Variants in CACNA1C observed in about 807,000 individuals in gnomAD.
CACNA1C encodes the protein calcium voltage-gated channel subunit alpha1 C, also known as voltage-dependent L-type calcium channel subunit alpha-1C.
Under a neutral mutation model 229.0 loss-of-function variants are expected in CACNA1C, and 30 were observed. That is an observed-to-expected ratio of 0.13 (90% CI 0.10 to 0.18). CACNA1C has a LOEUF of 0.18. Ranked by LOEUF, CACNA1C falls within the 10% of genes least tolerant of loss-of-function variation. CACNA1C has a pLI of 1.00. For missense variants in CACNA1C, 1,658 were observed against 2,845.0 expected (o/e 0.58, Z 9.49); for synonymous variants, 1,114 against 1,132.5 (o/e 0.98, Z 0.33).
chr12:2,513,157 CAT>C (rs1190287215), intron 9 of CACNA1C, among the ~76,000 whole-genome samples, 173 bp downstream of exon 9: 2 of 152,258 alleles, frequency 1.3e-5, no homozygotes, highest in African/African-American at 2.4e-5. Context: ...ACATCGGTCA[CAT>C]GTGGGAAATC....
At chr12:2,023,529 C>A (rs115234929) in intron 1 of CACNA1C, among the ~76,000 whole-genome samples, 1 of 152,164 alleles carries the variant, frequency 6.6e-6, no homozygotes, top group African/African-American at 2.4e-5. Flanking sequence ...AGAACTTCCT[C>A]CTATTGGCTA....
chr12:2,663,976 G>T (rs182598276), intron 34 of CACNA1C, among the ~76,000 whole-genome samples: 1 of 151,932 alleles, frequency 6.6e-6, no homozygotes, highest in African/African-American at 2.4e-5. Flanking sequence ...TCCTGACCTC[G>T]TGATCCGCCC....
intron 10 of CACNA1C, among the ~76,000 whole-genome samples, chr12:2,550,234 C>T (rs979704276): frequency 2.6e-5 from 4 of 152,154 alleles, no homozygotes; most frequent in Non-Finnish European, 4.4e-5. Context: ...GGGGGTGAGT[C>T]TTAAAATCAA....
intron 3 of CACNA1C, among the ~76,000 whole-genome samples, chr12:2,321,305 T>C (rs1242068681): frequency 2.6e-5 from 4 of 152,092 alleles, no homozygotes; most frequent in African/African-American, 9.7e-5. Flanking sequence ...CTGTTTTCTG[T>C]CCACCTGTTA....
intron 1 of CACNA1C, among the ~76,000 whole-genome samples, chr12:2,059,503 A>T (rs2056613006): frequency 6.6e-6 from 1 of 151,678 alleles, no homozygotes; most frequent in Non-Finnish European, 1.5e-5. Context: ...AACTGGCAAG[A>T]AACCCAAACC....
rs934029810 is a variant in CACNA1C at position 2,488,266 on chromosome 12, C to T, written c.916+2004C>T. ...TCCTGCAAGGGCGGGTGAGGATAAGCGGCCCTGAATACTGGTTGGAAGCCC... is the reference window on the plus strand; with the variant it reads ...TCCTGCAAGGGCGGGTGAGGATAAGTGGCCCTGAATACTGGTTGGAAGCCC... On this transcript the variant is annotated intron_variant, in intron 6 of 46. Transcript: ENST00000399655. This position sits in a 1 kb window ranked among gnomAD's most constrained non-coding sequence, Gnocchi z 4.0. 2.0e-5 allele frequency among the ~76,000 whole-genome samples: 3 copies of T among 152,182 alleles called. No homozygotes were observed. The highest frequency in any genetic ancestry group is 2.9e-5 in the Non-Finnish European group (2 of 68,034).
chr12:2,564,887 C>T (rs1278927211), intron 11 of CACNA1C, among the ~76,000 whole-genome samples: 3 of 152,048 alleles, frequency 2.0e-5, no homozygotes, highest in Admixed American at 6.6e-5. Context: ...TGGGGTGTTC[C>T]AATCCAACCT....
intron 11 of CACNA1C, among the ~76,000 whole-genome samples, chr12:2,562,770 T>G (rs2048190864): frequency 6.6e-6 from 1 of 152,200 alleles, no homozygotes; most frequent in South Asian, 2.1e-4. Context: ...GGTGTATATA[T>G]TTATGAGGTG....
At chr12:2,440,205 G>A (rs1480724783) in intron 3 of CACNA1C, among the ~76,000 whole-genome samples, 2 of 152,132 alleles carry the variant, frequency 1.3e-5, no homozygotes, top group African/African-American at 4.8e-5. Flanking sequence ...ACAATGTTGT[G>A]CAACCATCAC....
intron 9 of CACNA1C, among the ~76,000 whole-genome samples, chr12:2,537,262 G>C (rs2099857965): frequency 6.6e-6 from 1 of 152,060 alleles, no homozygotes; most frequent in Non-Finnish European, 1.5e-5. Context: ...GATGGACTTG[G>C]CATCAGATCT....
chr12:2,605,587 G>C lies in CACNA1C; in HGVS notation c.3049-92G>C. ...GCCCCTCTCAGCCCAATTACTCCCCGTTGTGGCAAACGGGCTGCCCCTGCT... is the reference window on the plus strand; with the variant it reads ...GCCCCTCTCAGCCCAATTACTCCCCCTTGTGGCAAACGGGCTGCCCCTGCT... On this transcript the variant is annotated intron_variant, in intron 23 of 46. Transcript: ENST00000399655. This position sits in a 1 kb window ranked among gnomAD's most constrained non-coding sequence, Gnocchi z 6.2. 3.4e-6 allele frequency: 3 copies of C among 888,576 alleles called. No homozygotes were observed. The highest frequency in any genetic ancestry group is 5.6e-6 in the Non-Finnish European group (3 of 532,184). The allele number at this position is 888,576 out of a possible 1,614,324, so 55.0% of individuals were successfully genotyped here. A position where few individuals can be genotyped will look rare whatever the true frequency, so the allele number is the denominator to read the frequency against.
chr12:2,003,139 C>CAT (rs1372007672), intron 1 of CACNA1C, among the ~76,000 whole-genome samples: 1 of 152,140 alleles, frequency 6.6e-6, no homozygotes, highest in Non-Finnish European at 1.5e-5. Flanking sequence ...TTGTCTACCC[C>CAT]ATTCTTGCTT....
At chr12:2,330,613 T>C (rs2096514908) in intron 3 of CACNA1C, among the ~76,000 whole-genome samples, 1 of 152,206 alleles carries the variant, frequency 6.6e-6, no homozygotes, top group Non-Finnish European at 1.5e-5. Context: ...TTTTCCAATG[T>C]CCTAAATTAT....
chr12:2,059,351 G>T (rs2056532507), intron 1 of CACNA1C, among the ~76,000 whole-genome samples: 1 of 152,280 alleles, frequency 6.6e-6, no homozygotes, highest in Middle Eastern at 3.4e-3. Flanking sequence ...AGTTGGGATT[G>T]TAGGGACTGT....
intron 3 of CACNA1C, among the ~76,000 whole-genome samples, chr12:2,402,765 C>T (rs1278125360): frequency 1.3e-5 from 2 of 152,182 alleles, no homozygotes; most frequent in African/African-American, 4.8e-5. Context: ...CAGTGGGAGC[C>T]CTGGTGGTCT....
chr12:2,129,429 T>C (rs954885718), intron 3 of CACNA1C, among the ~76,000 whole-genome samples: 2 of 152,178 alleles, frequency 1.3e-5, no homozygotes, highest in African/African-American at 4.8e-5. Context: ...AAAAGAGAGA[T>C]GATGATTTGA....
chr12:2,340,532 G>A (rs2096830958), intron 3 of CACNA1C, among the ~76,000 whole-genome samples: 1 of 152,202 alleles, frequency 6.6e-6, no homozygotes. Flanking sequence ...ACAAAACATG[G>A]CTGAACCCAA....
intron 3 of CACNA1C, among the ~76,000 whole-genome samples, chr12:2,213,370 C>T (rs1244100753): frequency 3.9e-5 from 6 of 152,102 alleles, no homozygotes; most frequent in African/African-American, 1.4e-4. Flanking sequence ...ATTTTCTCTG[C>T]CTCCCTTGGA....
At chr12:2,164,808 C>T (rs552275004) in intron 3 of CACNA1C, among the ~76,000 whole-genome samples, 2 of 152,280 alleles carry the variant, frequency 1.3e-5, no homozygotes, top group African/African-American at 2.4e-5. Context: ...ATGCCAGTCT[C>T]ACAAGGCAAT....
Sources: allele counts gnomAD v4.1 joint callset (sites outside exome capture counted in the v4.1 genomes callset), GRCh38; gene constraint gnomAD v4.1.1; non-coding constraint Gnocchi (gnomAD v3.1); transcripts MANE v1.5; gene names NCBI Gene and HGNC (gene_info 2026-07-23, HGNC 2026-07-21).